PSMD1: variants seen among roughly 807,000 people sequenced by gnomAD.
The protein encoded by PSMD1 is 26S proteasome non-ATPase regulatory subunit 1.
Under a neutral mutation model 119.0 loss-of-function variants are expected in PSMD1, and 18 were observed. That is an observed-to-expected ratio of 0.15 (90% CI 0.10 to 0.22). PSMD1 has a LOEUF of 0.22. Ranked by LOEUF, PSMD1 falls within the 10% of genes least tolerant of loss-of-function variation. The pLI, the probability that PSMD1 is intolerant of heterozygous loss-of-function variation, is 1.00. For missense variants in PSMD1, 702 were observed against 1,158.5 expected, an observed-to-expected ratio of 0.61 and a Z score of 5.72; for synonymous variants, 374 against 396.6, an observed-to-expected ratio of 0.94 and a Z score of 0.68.
At chr2:231,168,234 A>ACATC (rs1400605078) in intron 23 of PSMD1, among the ~76,000 whole-genome samples, 1 of 152,260 alleles carries the variant, frequency 6.6e-6, no homozygotes, top group African/African-American at 2.4e-5. Flanking sequence ...AGTTACAGCC[A>ACATC]CAGTGGAAAA....
chr2:231,168,026 A>G (rs1377828055), intron 23 of PSMD1, among the ~76,000 whole-genome samples: 1 of 152,204 alleles, frequency 6.6e-6, no homozygotes, highest in Non-Finnish European at 1.5e-5. Flanking sequence ...GCTGTAGTGC[A>G]ATATGATTGT....
At chr2:231,168,579 G>A (rs765147630) in intron 23 of PSMD1, among the ~76,000 whole-genome samples, 2 of 152,206 alleles carry the variant, frequency 1.3e-5, no homozygotes, top group African/African-American at 4.8e-5. Flanking sequence ...TTCCCTTTAT[G>A]TGAAACATTC....
intron 16 of PSMD1, among the ~76,000 whole-genome samples, chr2:231,128,608 G>T (rs1411894383): frequency 1.3e-5 from 2 of 152,066 alleles, no homozygotes; most frequent in African/African-American, 4.8e-5. Context: ...ATCCTTCTTT[G>T]GGATCATGTT....
intron 16 of PSMD1, among the ~76,000 whole-genome samples, chr2:231,096,911 G>A (rs192389280): frequency 6.6e-6 from 1 of 152,332 alleles, no homozygotes; most frequent in African/African-American, 2.4e-5. Context: ...TGGAGCAGAT[G>A]ATCGGAATGA....
intron 16 of PSMD1, among the ~76,000 whole-genome samples, chr2:231,088,652 C>G (rs1219638602): frequency 6.6e-6 from 1 of 152,208 alleles, no homozygotes; most frequent in Non-Finnish European, 1.5e-5. Flanking sequence ...TGTGTTCTGA[C>G]TGCTCCACAC....
chr2:231,157,337 C>T (rs1696528254), intron 19 of PSMD1, among the ~76,000 whole-genome samples: 1 of 150,508 alleles, frequency 6.6e-6, no homozygotes, highest in Non-Finnish European at 1.5e-5. Context: ...GAGGATAATT[C>T]TATGTTTCGC....
intron 10 of PSMD1, among the ~76,000 whole-genome samples, chr2:231,079,202 T>C (rs1694248201): frequency 6.6e-6 from 1 of 152,232 alleles, no homozygotes; most frequent in Non-Finnish European, 1.5e-5. Context: ...ATTTTATGTA[T>C]TTTTTGTTGT....
Position 231,128,582 on chromosome 2 carries a change from T to C in PSMD1, c.1884-10154T>C, listed in dbSNP as rs192513548. ...CTTCACTGTCTTCTCAAAATGTCTT[T>C]CTTTTCATCCATCCTATCCTTCTTT... On this transcript the variant is annotated intron_variant, in intron 16 of 24. Transcript: ENST00000308696. Among the ~76,000 whole-genome samples the C allele has an allele frequency of 1.6e-3, 238 of 152,356 alleles. 3 individuals are homozygous for C. The highest frequency in any genetic ancestry group is 1.7e-3 in the Non-Finnish European group (113 of 68,030).
Position 231,140,738 on chromosome 2 carries a change from C to T in PSMD1, c.1998+1888C>T, listed in dbSNP as rs867411760. 4.7e-5 allele frequency among the ~76,000 whole-genome samples: 7 copies of T among 150,510 alleles called. No individual in the cohort carries two copies. The South Asian group carries it at 6.3e-4, about 14-fold the overall frequency. ...ACTAAAAATACAAAAATTAGCCAGG[C>T]GTGGTGGCATGCACCTGTAATGCCA... is the stretch of plus-strand genomic sequence containing the variant. On this transcript the variant is annotated intron_variant, in intron 17 of 24. Coordinates refer to ENST00000308696, the MANE Select transcript of PSMD1 (RefSeq NM_002807.4).
At chr2:231,060,718 A>G (rs1300551150) in intron 1 of PSMD1, among the ~76,000 whole-genome samples, 1 of 152,238 alleles carries the variant, frequency 6.6e-6, no homozygotes, top group East Asian at 1.9e-4. Context: ...GAGGTGCCAT[A>G]ATATACACAC....
chr2:231,073,216 G>A (rs1694081902), intron 7 of PSMD1, among the ~76,000 whole-genome samples: 1 of 152,162 alleles, frequency 6.6e-6, no homozygotes, highest in Non-Finnish European at 1.5e-5. Context: ...AACTACAATG[G>A]TAACATCAAA....
intron 16 of PSMD1, 40 bp from the exon 17 acceptor site, chr2:231,138,696 A>G (rs1180179081): frequency 6.9e-7 from 1 of 1,440,556 alleles, no homozygotes; most frequent in East Asian, 2.3e-5. Flanking sequence ...CTTAAAATAG[A>G]TTACCTATAA....
chr2:231,143,812 A>G (rs956331353), intron 17 of PSMD1, among the ~76,000 whole-genome samples: 1 of 152,192 alleles, frequency 6.6e-6, no homozygotes, highest in Non-Finnish European at 1.5e-5. Flanking sequence ...CTTTTTTCAT[A>G]GAACTGATAT....
rs1696412239 is a variant in PSMD1, at chr2:231,153,372, C to T, written c.2116-192C>T. On this transcript the variant is annotated intron_variant, in intron 18 of 24. Transcript: ENST00000308696. ...ATTCAAGACAGAGCTGGTGCTCCCACACTAAAAAGTCATAACACCCGTGAT... is the reference window on the plus strand; with the variant it reads ...ATTCAAGACAGAGCTGGTGCTCCCATACTAAAAAGTCATAACACCCGTGAT... 7.4e-6 allele frequency: 4 copies of T among 540,284 alleles called. No individual in the cohort carries two copies. In the South Asian group the frequency reaches 9.5e-5, roughly 13 times the overall value. The allele number at this position is 540,284 out of a possible 1,614,324, so 33.5% of individuals were successfully genotyped here. A position where few individuals can be genotyped will look rare whatever the true frequency, so the allele number is the denominator to read the frequency against.
At chr2:231,148,306 C>T (rs1395581164) in intron 18 of PSMD1, among the ~76,000 whole-genome samples, 2 of 152,194 alleles carry the variant, frequency 1.3e-5, no homozygotes, top group South Asian at 4.1e-4. Flanking sequence ...CATAGACATT[C>T]ACTTTGACCC....
At chr2:231,119,904 C>T (rs1052798299) in intron 16 of PSMD1, among the ~76,000 whole-genome samples, 3 of 148,448 alleles carry the variant, frequency 2.0e-5, no homozygotes, top group African/African-American at 7.4e-5. Flanking sequence ...TATAAATAAA[C>T]CAATAACACC....
chr2:231,123,176 T>C lies in PSMD1; in HGVS notation c.1884-15560T>C, dbSNP rs149397382. 2.0e-3 allele frequency among the ~76,000 whole-genome samples: 307 copies of C among 152,280 alleles called. 1 individual carries two copies. The highest frequency in any genetic ancestry group is 7.0e-3 in the African/African-American group (292 of 41,564). ...TAACTTGAATGACTTTTTAAATGAT[T>C]TTATTAGATAGCTTAGGAGGGAGAA... On this transcript the variant is annotated intron_variant, in intron 16 of 24. Transcript: ENST00000308696.
At chr2:231,061,720 C>T (rs1200493610) in intron 2 of PSMD1, among the ~76,000 whole-genome samples, 1 of 151,990 alleles carries the variant, frequency 6.6e-6, no homozygotes, top group Non-Finnish European at 1.5e-5. Context: ...TGCACCACCA[C>T]ACTCAGCTAA....
intron 5 of PSMD1, among the ~76,000 whole-genome samples, chr2:231,068,425 A>G (rs1219855915): frequency 1.3e-5 from 2 of 151,974 alleles, no homozygotes; most frequent in African/African-American, 2.4e-5. Context: ...ATATTTTTTC[A>G]GTGCTTACTG....
Sources: allele counts gnomAD v4.1 joint callset (sites outside exome capture counted in the v4.1 genomes callset), GRCh38; gene constraint gnomAD v4.1.1; transcripts MANE v1.5; gene names NCBI Gene and HGNC (gene_info 2026-07-23, HGNC 2026-07-21).